Variants in TCEA1 observed in about 807,000 individuals in gnomAD.
The protein encoded by TCEA1 is transcription elongation factor A protein 1.
Under a neutral mutation model 43.8 loss-of-function variants are expected in TCEA1, and 21 were observed. That is an observed-to-expected ratio of 0.48 (90% CI 0.34 to 0.69). The LOEUF (loss-of-function observed/expected upper bound fraction) is 0.69, where lower values mean the gene tolerates loss of function less well. Among genes scored for constraint, TCEA1 ranks in the 30% least tolerant of loss-of-function variants. TCEA1 has a pLI of 0.01. For missense variants in TCEA1, 250 were observed against 365.1 expected (o/e 0.68, Z 2.57); for synonymous variants, 104 against 117.5 (o/e 0.88, Z 0.75).
At chr8:53,995,442 G>C (rs1281161127) in intron 3 of TCEA1, among the ~76,000 whole-genome samples, 1 of 152,070 alleles carries the variant, frequency 6.6e-6, no homozygotes, top group Admixed American at 6.6e-5. Flanking sequence ...CTGGATGACA[G>C]AGTGATACCT....
intron 8 of TCEA1, chr8:53,972,408 G>C: frequency 1.8e-6 from 1 of 554,684 alleles, no homozygotes; most frequent in South Asian, 1.4e-5. Flanking sequence ...TGAAAATGAA[G>C]ATGATATGGC....
chr8:53,972,305 T>G (rs1382177593), intron 8 of TCEA1: 1 of 442,114 alleles, frequency 2.3e-6, no homozygotes, highest in East Asian at 5.7e-5. Context: ...ATGATGAAAA[T>G]GAAGAGGAGG....
At chr8:54,020,652 T>C (rs1804993287) in intron 1 of TCEA1, among the ~76,000 whole-genome samples, 1 of 152,178 alleles carries the variant, frequency 6.6e-6, no homozygotes, top group Non-Finnish European at 1.5e-5. Context: ...TCTCTCTCAG[T>C]GTCTTAATCT....
chr8:54,022,302 CT>C lies in TCEA1; in HGVS notation c.-178del. On this transcript the variant is annotated 5_prime_UTR_variant, in exon 1 of 10. An upstream open reading frame in the 5' UTR loses its in-frame stop. Transcript: ENST00000521604. ...GCGGCGGCGGCGGCGGCGGCGGCGG[CT>C]CCGGCTCCTCCTCCCCAGGCAGCGA... 1.4e-6 allele frequency: 1 copy of C among 710,036 alleles called. No homozygotes were observed. The highest frequency in any genetic ancestry group is 2.4e-6 in the Non-Finnish European group (1 of 421,472). The allele number at this position is 710,036 out of a possible 1,614,324, so 44.0% of individuals were successfully genotyped here.
chr8:54,020,972 G>A lies in TCEA1; in HGVS notation c.63+1091C>T, dbSNP rs892261014. 3.9e-5 allele frequency among the ~76,000 whole-genome samples: 6 copies of A among 152,252 alleles called. No individual in the cohort carries two copies. In the East Asian group the frequency reaches 1.2e-3, roughly 29 times the overall value. On this transcript the variant is annotated intron_variant, in intron 1 of 9. Transcript: ENST00000521604. ...GGAGGCTGAGGTGGGCGGATCACCTGAGGTCAGGAGTTCGAGACCAGCCTG... is the reference window on the plus strand; with the variant it reads ...GGAGGCTGAGGTGGGCGGATCACCTAAGGTCAGGAGTTCGAGACCAGCCTG...
chr8:53,981,340 CGCCTGCCTTCAAA>C (rs1162712687), intron 7 of TCEA1, among the ~76,000 whole-genome samples: 1 of 152,160 alleles, frequency 6.6e-6, no homozygotes, highest in Non-Finnish European at 1.5e-5. Context: ...AAGAAGTCAA[CGCCTGCCTTCAAA>C]GCCTCAAAGG....
At chr8:53,970,274 A>T in intron 9 of TCEA1, 118 bp downstream of exon 9, 2 of 772,622 alleles carry the variant, frequency 2.6e-6, no homozygotes, top group South Asian at 1.4e-5. Flanking sequence ...GTACAAGAGT[A>T]CTGTATAGTG....
chr8:53,999,851 A>G (rs1586020696), intron 3 of TCEA1, 94 bp downstream of exon 3: 2 of 890,426 alleles, frequency 2.2e-6, no homozygotes, highest in East Asian at 5.3e-5. Flanking sequence ...CACTAAGAAA[A>G]AAATGTAACC....
chr8:53,985,254 T>C (rs1256138205), intron 6 of TCEA1, among the ~76,000 whole-genome samples: 1 of 152,264 alleles, frequency 6.6e-6, no homozygotes, highest in African/African-American at 2.4e-5. Context: ...TGACCTCAGG[T>C]GATCCACCCG....
chr8:54,009,966 A>T (rs1403910090), intron 2 of TCEA1: 11 of 154,364 alleles, frequency 7.1e-5, no homozygotes, highest in Non-Finnish European at 1.4e-4. Context: ...AATAAAGAAT[A>T]AGACTTCAGT....
intron 3 of TCEA1, among the ~76,000 whole-genome samples, chr8:53,995,512 G>A (rs1011988342): frequency 2.6e-5 from 4 of 152,010 alleles, no homozygotes; most frequent in African/African-American, 2.4e-5. Flanking sequence ...TTCAGAAAAC[G>A]TTTGGGTCTA....
chr8:54,012,263 G>A (rs1804675099), intron 1 of TCEA1, among the ~76,000 whole-genome samples: 2 of 152,134 alleles, frequency 1.3e-5, no homozygotes, highest in South Asian at 4.1e-4. Context: ...TATTACAACT[G>A]ACTACAGAAA....
At position 53,968,429 on chromosome 8, in the gene TCEA1, C is replaced by A. The variant is rs191000199; in HGVS notation, c.898-317G>T. On this transcript the variant is annotated intron_variant, in intron 9 of 9. Coordinates refer to ENST00000521604, the MANE Select transcript of TCEA1 (RefSeq NM_006756.4). ...AACTTCTAAAATATGCCACTCTAGG[C>A]ATCAGCTTTCTATCCTAAAATTGAA... Among the ~76,000 whole-genome samples, 620 of 151,698 alleles carry A rather than the reference C, an allele frequency of 4.1e-3. 4 individuals are homozygous for A. Among genetic ancestry groups the A allele is most frequent in the African/African-American group, 0.014 (591 of 41,370 alleles).
chr8:54,021,159 AGCTTGT>A (rs1189040849), intron 1 of TCEA1, among the ~76,000 whole-genome samples: 8 of 152,230 alleles, frequency 5.3e-5, no homozygotes, highest in African/African-American at 1.9e-4. Flanking sequence ...ATTGCACTCC[AGCTTGT>A]GCAACAAGAG....
chr8:53,979,359 T>A (rs1461893497), intron 7 of TCEA1, among the ~76,000 whole-genome samples, 188 bp from the exon 8 acceptor site: 2 of 152,240 alleles, frequency 1.3e-5, no homozygotes, highest in Admixed American at 1.3e-4. Flanking sequence ...TTTCTTCAAA[T>A]ACTTAAAAGT....
intron 1 of TCEA1, among the ~76,000 whole-genome samples, chr8:54,020,962 C>A (rs1009537156): frequency 1.3e-5 from 2 of 151,960 alleles, no homozygotes; most frequent in African/African-American, 4.8e-5. Flanking sequence ...CTGAGGTGGG[C>A]GGATCACCTG....
intron 6 of TCEA1, among the ~76,000 whole-genome samples, 163 bp from the exon 7 acceptor site, chr8:53,984,680 G>A (rs1480941937): frequency 2.0e-5 from 3 of 151,782 alleles, no homozygotes; most frequent in Non-Finnish European, 2.9e-5. Flanking sequence ...TCAGGAGATC[G>A]AGACCATCCC....
At chr8:54,013,150 C>A (rs1398452690) in intron 1 of TCEA1, among the ~76,000 whole-genome samples, 1 of 152,032 alleles carries the variant, frequency 6.6e-6, no homozygotes, top group Non-Finnish European at 1.5e-5. Context: ...TTGATTCTTC[C>A]AACATATCAG....
At chr8:53,997,593 T>C (rs1302792182) in intron 3 of TCEA1, among the ~76,000 whole-genome samples, 3 of 152,200 alleles carry the variant, frequency 2.0e-5, no homozygotes, top group Admixed American at 1.3e-4. Flanking sequence ...AAATAAGGAA[T>C]ATGCTATTAA....
Sources: gnomAD v4.1 joint callset for allele counts (sites outside exome capture counted in the v4.1 genomes callset) on GRCh38, gnomAD v4.1.1 for gene constraint, MANE v1.5 for transcripts, NCBI Gene and HGNC (gene_info 2026-07-23, HGNC 2026-07-21) for gene names.